Variants in CDH18 observed in about 807,000 individuals in gnomAD.
The protein encoded by CDH18 is cadherin-18.
Under a neutral mutation model 67.9 loss-of-function variants are expected in CDH18, and 31 were observed. The observed-to-expected ratio is 0.46, with a 90% CI of 0.34 to 0.62. The LOEUF (loss-of-function observed/expected upper bound fraction) is 0.62. CDH18 is among the 20% of genes least tolerant of loss of function. The probability of loss-of-function intolerance (pLI) is 0.01; values close to 1 mark genes in which losing one functional copy is unlikely to be tolerated. For missense variants in CDH18, 890 were observed against 975.5 expected, an observed-to-expected ratio of 0.91 and a Z score of 1.17; for synonymous variants, 362 against 347.2, an observed-to-expected ratio of 1.04 and a Z score of -0.48.
chr5:19,505,291 TAATTG>T (rs1743932615), intron 10 of CDH18, among the ~76,000 whole-genome samples: 1 of 152,118 alleles, frequency 6.6e-6, no homozygotes, highest in Non-Finnish European at 1.5e-5. Flanking sequence ...CCTCTTTTCC[TAATTG>T]AATACCCTTT....
At chr5:19,808,308 A>G (rs191980897) in intron 3 of CDH18, among the ~76,000 whole-genome samples, 1 of 149,848 alleles carries the variant, frequency 6.7e-6, no homozygotes, top group Admixed American at 6.7e-5. Flanking sequence ...ATAAAACAAA[A>G]CAACAACAAC....
chr5:19,694,265 C>T (rs1265623526), intron 5 of CDH18, among the ~76,000 whole-genome samples: 2 of 152,224 alleles, frequency 1.3e-5, no homozygotes, highest in Admixed American at 6.5e-5. Context: ...CTATTTTAAA[C>T]TCTGTTTTGA....
chr5:20,550,385 A>G (rs1757566726), intron 1 of CDH18, among the ~76,000 whole-genome samples: 2 of 152,218 alleles, frequency 1.3e-5, no homozygotes, highest in South Asian at 4.1e-4. Flanking sequence ...AGAGCGATCT[A>G]TAGAATTTTA....
Position 19,487,562 on chromosome 5 carries a change from G to T in CDH18, c.1631-4010C>A, listed in dbSNP as rs190628031. On this transcript the variant is annotated intron_variant, in intron 11 of 12. Coordinates refer to ENST00000382275, the MANE Select transcript of CDH18 (RefSeq NM_004934.5). ...CCCCTGAAAATGTCCAGAAAATTTT[G>T]GAAAACTTTTTATCTTTTTCATTAT... 2.9e-3 allele frequency among the ~76,000 whole-genome samples: 443 copies of T among 152,134 alleles called. 3 individuals carry two copies. The highest frequency in any genetic ancestry group is 0.01 in the African/African-American group (424 of 41,532).
At chr5:20,118,178 T>C (rs983270451) in intron 2 of CDH18, among the ~76,000 whole-genome samples, 1 of 152,186 alleles carries the variant, frequency 6.6e-6, no homozygotes, top group African/African-American at 2.4e-5. Flanking sequence ...TAGAAAACTT[T>C]TGCAAGTTGA....
intron 2 of CDH18, among the ~76,000 whole-genome samples, chr5:20,141,263 A>G (rs908326536): frequency 6.6e-6 from 1 of 152,170 alleles, no homozygotes; most frequent in African/African-American, 2.4e-5. Context: ...AGCCAATTAC[A>G]TTTAGTTAAA....
intron 1 of CDH18, among the ~76,000 whole-genome samples, chr5:20,375,530 T>A (rs1194344666): frequency 6.6e-6 from 1 of 152,102 alleles, no homozygotes; most frequent in East Asian, 1.9e-4. Context: ...TATTAAAGAG[T>A]TCCCCAGTGC....
chr5:20,207,288 G>A (rs1739972719), intron 2 of CDH18, among the ~76,000 whole-genome samples: 1 of 151,674 alleles, frequency 6.6e-6, no homozygotes, highest in African/African-American at 2.4e-5. Flanking sequence ...GCAGTGAAAA[G>A]ATCTATAAAA....
chr5:20,087,685 G>T (rs1745088598), intron 2 of CDH18, among the ~76,000 whole-genome samples: 2 of 151,978 alleles, frequency 1.3e-5, no homozygotes, highest in African/African-American at 2.4e-5. Context: ...TTGAACAAAA[G>T]CATGTACGTT....
chr5:19,492,318 T>C (rs1353506232), intron 11 of CDH18, among the ~76,000 whole-genome samples: 1 of 152,166 alleles, frequency 6.6e-6, no homozygotes, highest in Non-Finnish European at 1.5e-5. Context: ...TTTATCTTTG[T>C]AGACTAATGA....
chr5:20,528,613 C>A (rs1406777627), intron 1 of CDH18, among the ~76,000 whole-genome samples: 1 of 152,036 alleles, frequency 6.6e-6, no homozygotes, highest in African/African-American at 2.4e-5. Flanking sequence ...CAAAACCACA[C>A]AACTACATGG....
chr5:19,801,919 T>C (rs1162891222), intron 3 of CDH18, among the ~76,000 whole-genome samples: 1 of 152,174 alleles, frequency 6.6e-6, no homozygotes, highest in African/African-American at 2.4e-5. Context: ...AGATATTATT[T>C]TGCCATTCTC....
At chr5:20,243,335 T>C (rs1429698030) in intron 2 of CDH18, among the ~76,000 whole-genome samples, 5 of 152,164 alleles carry the variant, frequency 3.3e-5, no homozygotes, top group Non-Finnish European at 7.4e-5. Context: ...ACATAAAGGA[T>C]TATTAGTGGA....
At chr5:19,881,364 G>T (rs1787617888) in intron 2 of CDH18, among the ~76,000 whole-genome samples, 1 of 151,908 alleles carries the variant, frequency 6.6e-6, no homozygotes, top group Non-Finnish European at 1.5e-5. Context: ...AAATGCAAAT[G>T]GTTCAGCCTA....
intron 2 of CDH18, among the ~76,000 whole-genome samples, chr5:19,881,575 C>T (rs1787649283): frequency 6.7e-6 from 1 of 149,400 alleles, no homozygotes; most frequent in Admixed American, 6.7e-5. Context: ...ATGGCATGAT[C>T]CTGGCTCACT....
intron 2 of CDH18, among the ~76,000 whole-genome samples, chr5:20,153,815 G>T (rs1483020123): frequency 6.6e-6 from 1 of 152,120 alleles, no homozygotes; most frequent in African/African-American, 2.4e-5. Flanking sequence ...GCTCTACCAT[G>T]ATGACCTTAT....
At chr5:19,491,673 A>G (rs1741483255) in intron 11 of CDH18, among the ~76,000 whole-genome samples, 1 of 152,180 alleles carries the variant, frequency 6.6e-6, no homozygotes, top group Non-Finnish European at 1.5e-5. Context: ...GCTTAAAGTT[A>G]TATCTTCTTT....
intron 1 of CDH18, among the ~76,000 whole-genome samples, chr5:20,263,457 T>C (rs1744813662): frequency 6.6e-6 from 1 of 152,214 alleles, no homozygotes; most frequent in Non-Finnish European, 1.5e-5. Context: ...AGCTTGCATT[T>C]GTCTCATGGA....
At chr5:19,667,059 C>A (rs1308875575) in intron 5 of CDH18, among the ~76,000 whole-genome samples, 1 of 151,874 alleles carries the variant, frequency 6.6e-6, no homozygotes, top group Non-Finnish European at 1.5e-5. Flanking sequence ...AATTCAATTA[C>A]AATTTCTTAA....
Sources: allele counts gnomAD v4.1 joint callset (sites outside exome capture counted in the v4.1 genomes callset), GRCh38; gene constraint gnomAD v4.1.1; transcripts MANE v1.5; gene names NCBI Gene and HGNC (gene_info 2026-07-23, HGNC 2026-07-21).